The following PEAR1 variants were observed in gnomAD, a reference collection of about 807,000 sequenced individuals.
PEAR1 encodes the protein platelet endothelial aggregation receptor 1.
A neutral mutation model predicts 131.2 loss-of-function variants in PEAR1; 113 were observed. The ratio of observed to expected loss-of-function variants is 0.86; its 90% confidence interval spans 0.74 to 1.01. The LOEUF is 1.01. Ranked by LOEUF, PEAR1 falls within the 50% of genes least tolerant of loss-of-function variation. The probability of loss-of-function intolerance (pLI) is 0.00; values close to 1 mark genes in which losing one functional copy is unlikely to be tolerated. For missense variants in PEAR1, 1,408 were observed against 1,391.1 expected (o/e 1.01, Z -0.19); for synonymous variants, 565 against 523.3 (o/e 1.08, Z -1.09).
Position 156,904,843 on chromosome 1 carries a change from C to T in PEAR1, c.197C>T (p.Pro66Leu). ...ERPWEGPHTC[P>L]QPTVVYRTVY... ...CCCTGGGAGGGCCCCCATACTTGCC[C>T]CCAGCCCACGTGAGTGCTCCTCATC... The change falls in exon 3 of 23, where the codon CCC becomes CTC. Residue 66 changes from proline to leucine, a missense_variant. Physicochemically the swap from Pro to Leu is moderately conservative, Grantham distance 98. Transcript: ENST00000292357. 1 of 1,613,858 alleles carries T rather than the reference C, an allele frequency of 6.2e-7. No individual in the cohort carries two copies. Among genetic ancestry groups the T allele is most frequent in the Middle Eastern group, 1.7e-4 (1 of 6,058 alleles).
Position 156,909,050 on chromosome 1 carries a change from G to A in PEAR1, c.1411+14G>A. ...TCTGCAAGGAAGGTAATAGGGTGGA[G>A]TTTCCCAGAGAGAAGACTTGGGGGA... is the stretch of plus-strand genomic sequence containing the variant. On this transcript the variant is annotated intron_variant, in intron 11 of 22. Transcript: ENST00000292357. 6.2e-7 allele frequency: 1 copy of A among 1,613,672 alleles called. No homozygotes were observed. The highest frequency in any genetic ancestry group is 1.3e-5 in the African/African-American group (1 of 75,056).
At chr1:156,898,047 C>T (rs888116552) in intron 1 of PEAR1, among the ~76,000 whole-genome samples, 2 of 152,132 alleles carry the variant, frequency 1.3e-5, no homozygotes, top group Non-Finnish European at 2.9e-5. Flanking sequence ...TTTACCTCCC[C>T]ACACTGCTTT....
At chr1:156,911,080 T>TCTTTCTTTC (rs1553269263) in intron 15 of PEAR1, among the ~76,000 whole-genome samples, 134 of 138,204 alleles carry the variant, frequency 9.7e-4, no homozygotes, top group Middle Eastern at 7.2e-3. Context: ...TTTCTTTCTT[T>TCTTTCTTTC]CTTTCTTTCT....
Position 156,902,668 on chromosome 1 carries a change from C to T in PEAR1, c.-9-1250C>T, listed in dbSNP as rs1449443025. On this transcript the variant is annotated intron_variant, in intron 1 of 22. Coordinates refer to ENST00000292357, the MANE Select transcript of PEAR1 (RefSeq NM_001080471.3). This position sits in a 1 kb window ranked among gnomAD's most constrained non-coding sequence, Gnocchi z 4.3. ...CTCAGGGGGGTAAGGGGCCAGCAAC[C>T]GCGACCTTTCTCTCGTCTCAGAAAA... Among the ~76,000 whole-genome samples, 1 of 152,044 alleles carries T rather than the reference C, an allele frequency of 6.6e-6. No individual in the cohort carries two copies. The highest frequency in any genetic ancestry group is 1.5e-5 in the Non-Finnish European group (1 of 67,984).
Position 156,912,600 on chromosome 1 carries a change from C to G in PEAR1, c.2187C>G (p.His729Gln). The change falls in exon 17 of 23, where the codon CAC becomes CAG. Residue 729 changes from histidine to glutamine, a missense_variant. By Grantham distance (24) the His-to-Gln change is conservative. Coordinates refer to ENST00000292357, the MANE Select transcript of PEAR1 (RefSeq NM_001080471.3). ...ETGACVCPPG[H>Q]SGAPCRIGIQ... ...GGGCCTGTGTATGTCCCCCAGGGCA[C>G]AGTGGTGCACCTTGCAGGATTGGTG... The G allele has an allele frequency of 1.2e-6, 2 of 1,613,760 alleles. No homozygotes were observed. Among genetic ancestry groups the G allele is most frequent in the Non-Finnish European group, 1.7e-6 (2 of 1,179,918 alleles).
chr1:156,909,869 C>T lies in PEAR1; in HGVS notation c.1530C>T (p.Thr510=). The T allele has an allele frequency of 6.2e-7, 1 of 1,612,942 alleles. No individual in the cohort carries two copies. The highest frequency in any genetic ancestry group is 8.5e-7 in the Non-Finnish European group (1 of 1,179,166). ...AVCSPQTGAC[T]CTPGWHGAHC... is the part of the protein sequence containing the mutation. ...GCAGCCCCCAAACTGGAGCCTGTACCTGCACCCCTGGGTGGCATGGGGCCC... is the reference window on the plus strand; with the variant it reads ...GCAGCCCCCAAACTGGAGCCTGTACTTGCACCCCTGGGTGGCATGGGGCCC... Residue 510 remains threonine (T), a synonymous_variant, in exon 12 of 23, where the codon ACC becomes ACT. Coordinates refer to ENST00000292357, the MANE Select transcript of PEAR1 (RefSeq NM_001080471.3).
Position 156,908,524 on chromosome 1 carries a change from T to A in PEAR1, c.1116-131T>A, listed in dbSNP as rs939307391. The A allele has an allele frequency of 8.3e-7, 1 of 1,200,012 alleles. No homozygotes were observed. The highest frequency in any genetic ancestry group is 1.1e-6 in the Non-Finnish European group (1 of 884,924). The allele number at this position is 1,200,012 out of a possible 1,614,324, so 74.3% of individuals were successfully genotyped here. A position where few individuals can be genotyped will look rare whatever the true frequency, so the allele number is the denominator to read the frequency against. Reference sequence around the variant, plus strand: ...ACTTGCCCCAACCCAGTTTTCAGAATAGCGCGGAGCCTCCCTAGTGACCCC... The same window carrying A: ...ACTTGCCCCAACCCAGTTTTCAGAAAAGCGCGGAGCCTCCCTAGTGACCCC... On this transcript the variant is annotated intron_variant, in intron 9 of 22. Coordinates refer to ENST00000292357, the MANE Select transcript of PEAR1 (RefSeq NM_001080471.3). This position sits in a 1 kb window ranked among gnomAD's most constrained non-coding sequence, Gnocchi z 4.2.
At chr1:156,895,626 C>G (rs1649089218) in intron 1 of PEAR1, among the ~76,000 whole-genome samples, 1 of 152,312 alleles carries the variant, frequency 6.6e-6, no homozygotes, top group African/African-American at 2.4e-5. Context: ...TGCAGAGACA[C>G]AGCAGAGGCA....
chr1:156,903,116 C>T (rs950467620), intron 1 of PEAR1, among the ~76,000 whole-genome samples: 5 of 152,238 alleles, frequency 3.3e-5, no homozygotes, highest in South Asian at 4.1e-4. Context: ...AAGCTACTCA[C>T]GTGACATCAC....
intron 1 of PEAR1, among the ~76,000 whole-genome samples, chr1:156,896,805 T>C (rs1177763842): frequency 1.3e-5 from 2 of 152,166 alleles, no homozygotes; most frequent in African/African-American, 4.8e-5. Context: ...CCTGGAGCTG[T>C]TGTGCACTCA....
rs778131158 is a variant in PEAR1 at position 156,910,315 on chromosome 1, C to T, written c.1760C>T (p.Thr587Ile). The change falls in exon 14 of 23, where the codon ACC (threonine) becomes ATC (isoleucine). Residue 587 changes from threonine to isoleucine, a missense_variant. By Grantham distance (89) the Thr-to-Ile change is moderately conservative. Transcript: ENST00000292357. ...SNTCTCKNGG[T>I]CLPENGNCVC... ...ACCTGCACCTGCAAGAATGGGGGCA[C>T]CTGTCTCCCTGAGAATGGCAACTGC... is the stretch of plus-strand genomic sequence containing the variant. The T allele has an allele frequency of 6.8e-6, 11 of 1,613,332 alleles. No individual in the cohort carries two copies. Among genetic ancestry groups the T allele is most frequent in the Non-Finnish European group, 8.5e-6 (10 of 1,179,674 alleles).
At chr1:156,895,755 A>G (rs1162362152) in intron 1 of PEAR1, among the ~76,000 whole-genome samples, 4 of 151,440 alleles carry the variant, frequency 2.6e-5, no homozygotes, top group Non-Finnish European at 5.9e-5. Context: ...GAAAGTCAGA[A>G]GACCAAAGAG....
In PEAR1 at chr1:156,915,657, T is replaced by C. The variant is rs759217638; in HGVS notation, c.*859T>C. ...ATTGCAGCTGTGTTCACTCACCAGG[T>C]ACCTGCAGAAGGCCTACAGGGTGCC... On this transcript the variant is annotated 3_prime_UTR_variant, in exon 23 of 23. Transcript: ENST00000292357. 1.3e-5 allele frequency: 2 copies of C among 152,258 alleles called. No homozygotes were observed. The highest frequency in any genetic ancestry group is 2.9e-5 in the Non-Finnish European group (2 of 68,056). 9.4% of individuals were successfully genotyped at this position (152,258 alleles called of 1,614,324 possible). A position where few individuals can be genotyped will look rare whatever the true frequency, so the allele number is the denominator to read the frequency against.
chr1:156,905,225 G>C (rs74116910), intron 3 of PEAR1, 99 bp from the exon 4 acceptor site: 5 of 1,291,764 alleles, frequency 3.9e-6, no homozygotes, highest in South Asian at 1.3e-5. Context: ...CCTCAGCCCA[G>C]AGTGTTGAGT....
chr1:156,904,639 G>T, intron 2 of PEAR1, 109 bp from the exon 3 acceptor site: 3 of 1,117,822 alleles, frequency 2.7e-6, no homozygotes, highest in South Asian at 1.5e-5. Context: ...CAGCCCCAGC[G>T]TTGGGCTGTG....
Position 156,908,802 on chromosome 1 carries a change from C to G in PEAR1, c.1263C>G (p.Gly421=), listed in dbSNP as rs1374612868. The G allele has an allele frequency of 6.2e-7, 1 of 1,607,230 alleles. No homozygotes were observed. Among genetic ancestry groups the G allele is most frequent in the Admixed American group, 1.7e-5 (1 of 59,816 alleles). ...LHGGVCQATS[G]LCQCAPGYTG... is the part of the protein sequence containing the mutation. Reference sequence around the variant, plus strand: ...GTGGCGTCTGCCAGGCTACCAGCGGCCTCTGTCAGTGCGCGCCGGGTTACA... The same window carrying G: ...GTGGCGTCTGCCAGGCTACCAGCGGGCTCTGTCAGTGCGCGCCGGGTTACA... Residue 421 remains glycine, a synonymous_variant, in exon 10 of 23, where the codon GGC becomes GGG. Transcript: ENST00000292357. The surrounding 1 kb of genome is among the most constrained non-coding windows in gnomAD (Gnocchi z 4.2).
Position 156,914,957 on chromosome 1 carries a change from G to A in PEAR1, c.*159G>A, listed in dbSNP as rs1226613051. Reference sequence around the variant, plus strand: ...GCAAGTGATGGGAGCCTTGTTCCTGGGTTCTACCATGGGAGACGCTGATCA... The same window carrying A: ...GCAAGTGATGGGAGCCTTGTTCCTGAGTTCTACCATGGGAGACGCTGATCA... On this transcript the variant is annotated 3_prime_UTR_variant, in exon 23 of 23. Coordinates refer to ENST00000292357, the MANE Select transcript of PEAR1 (RefSeq NM_001080471.3). 11 of 820,546 alleles carry A rather than the reference G, an allele frequency of 1.3e-5. No individual in the cohort carries two copies. Among genetic ancestry groups the A allele is most frequent in the Non-Finnish European group, 2.0e-5 (11 of 562,856 alleles). The allele number at this position is 820,546 out of a possible 1,614,324, so 50.8% of individuals were successfully genotyped here.
At position 156,910,599 on chromosome 1, in the gene PEAR1, A is replaced by G. The variant is rs751087775; in HGVS notation, c.1826-19A>G. 2.5e-6 allele frequency: 4 copies of G among 1,613,048 alleles called. No homozygotes were observed. Among genetic ancestry groups the G allele is most frequent in the Non-Finnish European group, 3.4e-6 (4 of 1,179,618 alleles). The stretch of plus-strand genomic sequence containing the variant: ...GGATTGGCCTCTGCCCCCAATCACC[A>G]TGTACCCCTTTCCCCCAGCCTGTCA... On this transcript the variant is annotated intron_variant, in intron 14 of 22. Transcript: ENST00000292357.
In PEAR1 at chr1:156,906,820, G is replaced by T. The variant is rs898587303; in HGVS notation, c.584G>T (p.Gly195Val). Residue 195 changes from glycine (G) to valine (V), a missense_variant, in exon 6 of 23, where the codon GGG becomes GTG. Transcript: ENST00000292357. ...PACQFRCQCH[G>V]APCDPQTGAC... ...TGCCAGTTCCGCTGCCAGTGCCATGGGGCACCCTGCGATCCCCAGACTGGA... is the reference window on the plus strand; with the variant it reads ...TGCCAGTTCCGCTGCCAGTGCCATGTGGCACCCTGCGATCCCCAGACTGGA... 3 of 1,614,206 alleles carry T rather than the reference G, an allele frequency of 1.9e-6. No homozygotes were observed. The highest frequency in any genetic ancestry group is 3.3e-5 in the Admixed American group (2 of 60,032).
Sources: gnomAD v4.1 joint callset for allele counts (sites outside exome capture counted in the v4.1 genomes callset) on GRCh38, gnomAD v4.1.1 for gene constraint, Gnocchi (gnomAD v3.1) non-coding constraint, MANE v1.5 for transcripts, NCBI Gene and HGNC (gene_info 2026-07-23, HGNC 2026-07-21) for gene names.